Variants in UBLCP1 observed in about 807,000 individuals in gnomAD.
The protein encoded by UBLCP1 is ubiquitin-like domain-containing CTD phosphatase 1.
Under a neutral mutation model 42.4 loss-of-function variants are expected in UBLCP1, and 28 were observed. That is an observed-to-expected ratio of 0.66 (90% CI 0.49 to 0.90). The LOEUF (loss-of-function observed/expected upper bound fraction) is 0.90, where lower values mean the gene tolerates loss of function less well. Among genes scored for constraint, UBLCP1 ranks in the 40% least tolerant of loss-of-function variants. The probability of loss-of-function intolerance (pLI) is 0.00; values close to 1 mark genes in which losing one functional copy is unlikely to be tolerated. For synonymous variants in UBLCP1, 122 were observed against 120.8 expected (o/e 1.01, Z -0.07); for missense variants, 279 against 374.5 (o/e 0.75, Z 2.10).
chr5:159,271,988 A>C, intron 5 of UBLCP1, 35 bp from the exon 6 acceptor site: 1 of 1,468,194 alleles, frequency 6.8e-7, no homozygotes, highest in Non-Finnish European at 9.5e-7. Flanking sequence ...TCATGATGGT[A>C]AACTAATAAT....
At position 159,278,228 on chromosome 5, in the gene UBLCP1, T is replaced by C; in HGVS notation, c.685-10T>C. 5 of 1,581,364 alleles carry C rather than the reference T, an allele frequency of 3.2e-6. No homozygotes were observed. The highest frequency in any genetic ancestry group is 3.5e-6 in the Non-Finnish European group (4 of 1,151,944). ...TAAAATTTGAGTTAAATGTAAACTTTTATTCTAAGGTAAAGCCTCTTGGTG... is the reference window on the plus strand; with the variant it reads ...TAAAATTTGAGTTAAATGTAAACTTCTATTCTAAGGTAAAGCCTCTTGGTG... On this transcript the variant is annotated splice_polypyrimidine_tract_variant and intron_variant, in intron 8 of 10. Coordinates refer to ENST00000296786, the MANE Select transcript of UBLCP1 (RefSeq NM_145049.5).
At chr5:159,279,498 C>G (rs1429849002) in intron 9 of UBLCP1, among the ~76,000 whole-genome samples, 1 of 152,140 alleles carries the variant, frequency 6.6e-6, no homozygotes, top group African/African-American at 2.4e-5. Flanking sequence ...ATTCTCAGTC[C>G]TAAACTTTTC....
chr5:159,269,468 A>C (rs887513710), intron 2 of UBLCP1, among the ~76,000 whole-genome samples: 2 of 152,226 alleles, frequency 1.3e-5, no homozygotes, highest in African/African-American at 4.8e-5. Context: ...ACATTTAAAA[A>C]TTACAGGCAG....
In UBLCP1 at chr5:159,269,920, A is replaced by G; in HGVS notation, c.167A>G (p.Glu56Gly). The G allele has an allele frequency of 1.2e-6, 2 of 1,612,982 alleles. No individual in the cohort carries two copies. Among genetic ancestry groups the G allele is most frequent in the Non-Finnish European group, 1.7e-6 (2 of 1,179,480 alleles). Reference sequence around the variant, plus strand: ...GCTTGTATTGTAGGCAAACCTGCAGAAAATGATGTTAAGCTTGGAGCTCTC... The same window carrying G: ...GCTTGTATTGTAGGCAAACCTGCAGGAAATGATGTTAAGCTTGGAGCTCTC... ...LGLKVKGKPA[E>G]NDVKLGALKL... The change falls in exon 3 of 11, where the codon GAA becomes GGA. Residue 56 changes from glutamate to glycine, a missense_variant. Glu to Gly is a moderately conservative substitution (Grantham distance 98). Coordinates refer to ENST00000296786, the MANE Select transcript of UBLCP1 (RefSeq NM_145049.5).
At chr5:159,273,382 A>G (rs2113315249) in intron 6 of UBLCP1, among the ~76,000 whole-genome samples, 1 of 152,282 alleles carries the variant, frequency 6.6e-6, no homozygotes, top group South Asian at 2.1e-4. Context: ...TGAAAAGAGT[A>G]CTTCACTTTG....
At chr5:159,278,635 C>G (rs555856842) in intron 9 of UBLCP1, among the ~76,000 whole-genome samples, 1 of 151,978 alleles carries the variant, frequency 6.6e-6, no homozygotes, top group Non-Finnish European at 1.5e-5. Context: ...TGTGGTGGTG[C>G]GATCTCGGCT....
At chr5:159,278,806 C>T (rs1044190894) in intron 9 of UBLCP1, among the ~76,000 whole-genome samples, 1 of 152,078 alleles carries the variant, frequency 6.6e-6, no homozygotes, top group African/African-American at 2.4e-5. Flanking sequence ...CTCCTGTCCT[C>T]GTGATCTGCC....
chr5:159,270,582 T>A lies in UBLCP1; in HGVS notation c.387T>A (p.Ile129=). The stretch of plus-strand genomic sequence containing the variant: ...GAGTGAAAGAGTACAAAGTGGAAAT[T>A]TTGAATCCTCCCAGGGAAGGGAAAA... ...SRRVKEYKVE[I]LNPPREGKKL... Residue 129 remains isoleucine (I), a synonymous_variant, in exon 5 of 11, where the codon ATT becomes ATA. Transcript: ENST00000296786. The A allele has an allele frequency of 6.2e-7, 1 of 1,611,788 alleles. No homozygotes were observed. Among genetic ancestry groups the A allele is most frequent in the Non-Finnish European group, 8.5e-7 (1 of 1,179,302 alleles).
chr5:159,275,857 A>G (rs1429091650), intron 8 of UBLCP1, among the ~76,000 whole-genome samples: 1 of 152,184 alleles, frequency 6.6e-6, no homozygotes, highest in Non-Finnish European at 1.5e-5. Context: ...AATACTGAAT[A>G]TTATCAAGGA....
At chr5:159,279,927 T>A (rs1254986069) in intron 9 of UBLCP1, among the ~76,000 whole-genome samples, 1 of 151,354 alleles carries the variant, frequency 6.6e-6, no homozygotes, top group African/African-American at 2.4e-5. Flanking sequence ...AAAAAAAAAA[T>A]ACAATCATTA....
chr5:159,274,366 C>G (rs1202854505), intron 6 of UBLCP1: 4 of 382,144 alleles, frequency 1.0e-5, no homozygotes, highest in African/African-American at 2.1e-5. Context: ...CTGTATCTTA[C>G]AGATAAAAGT....
chr5:159,276,760 T>C (rs1052371878), intron 8 of UBLCP1, among the ~76,000 whole-genome samples: 1 of 152,218 alleles, frequency 6.6e-6, no homozygotes, highest in African/African-American at 2.4e-5. Context: ...TTAACCTTTG[T>C]TTGGTTCAGG....
chr5:159,270,962 A>G (rs191961832), intron 5 of UBLCP1, among the ~76,000 whole-genome samples: 2,589 of 80,132 alleles, frequency 0.032, 43 homozygotes, highest in Non-Finnish European at 0.058. Context: ...ATTATGAATG[A>G]TATATATATA....
chr5:159,283,908 C>T (rs977494827), intron 10 of UBLCP1, among the ~76,000 whole-genome samples: 3 of 151,976 alleles, frequency 2.0e-5, no homozygotes, highest in Non-Finnish European at 2.9e-5. Flanking sequence ...TCTATATAGA[C>T]GTTGCCTATA....
chr5:159,270,187 G>A (rs747206277), intron 3 of UBLCP1, among the ~76,000 whole-genome samples, 173 bp from the exon 4 acceptor site: 1 of 152,028 alleles, frequency 6.6e-6, no homozygotes, highest in Non-Finnish European at 1.5e-5. Context: ...AATTTAATAT[G>A]GTAAATCTGC....
rs1295788648 is a variant in UBLCP1, at chr5:159,263,294, C to T, written c.-113C>T. ...CCGGTTCCGGTCCCGCCCTTCACTTCCGGTCGCTTTCGGTCTCTCAGCGGC... is the reference window on the plus strand; with the variant it reads ...CCGGTTCCGGTCCCGCCCTTCACTTTCGGTCGCTTTCGGTCTCTCAGCGGC... On this transcript the variant is annotated 5_prime_UTR_variant, in exon 1 of 11. Coordinates refer to ENST00000296786, the MANE Select transcript of UBLCP1 (RefSeq NM_145049.5). The T allele has an allele frequency of 2.6e-5, 4 of 152,456 alleles. No homozygotes were observed. The highest frequency in any genetic ancestry group is 5.9e-5 in the Non-Finnish European group (4 of 68,092). The allele number at this position is 152,456 out of a possible 1,614,324, so 9.4% of individuals were successfully genotyped here.
chr5:159,275,139 T>C lies in UBLCP1; in HGVS notation c.586-9T>C. On this transcript the variant is annotated splice_polypyrimidine_tract_variant and intron_variant, in intron 7 of 10. Transcript: ENST00000296786. ...TATGTTTTAACCTCACAAATATTTGTGTTTATAGGAGCTGGGAGTGAGCAC... is the reference window on the plus strand; with the variant it reads ...TATGTTTTAACCTCACAAATATTTGCGTTTATAGGAGCTGGGAGTGAGCAC... 6.2e-7 allele frequency: 1 copy of C among 1,609,514 alleles called. No homozygotes were observed. Among genetic ancestry groups the C allele is most frequent in the Non-Finnish European group, 8.5e-7 (1 of 1,176,898 alleles).
chr5:159,275,143 T>C lies in UBLCP1; in HGVS notation c.586-5T>C. 4 of 1,611,444 alleles carry C rather than the reference T, an allele frequency of 2.5e-6. No individual in the cohort carries two copies. Among genetic ancestry groups the C allele is most frequent in the Non-Finnish European group, 3.4e-6 (4 of 1,178,364 alleles). On this transcript the variant is annotated splice_polypyrimidine_tract_variant and splice_region_variant and intron_variant, in intron 7 of 10. Coordinates refer to ENST00000296786, the MANE Select transcript of UBLCP1 (RefSeq NM_145049.5). ...TTTTAACCTCACAAATATTTGTGTT[T>C]ATAGGAGCTGGGAGTGAGCACAAAT...
chr5:159,270,169 A>G (rs910659870), intron 3 of UBLCP1, among the ~76,000 whole-genome samples, 170 bp downstream of exon 3: 4 of 152,196 alleles, frequency 2.6e-5, no homozygotes, highest in Non-Finnish European at 5.9e-5. Context: ...TAGTAGCACA[A>G]ATGATCAAAT....
Sources: allele counts gnomAD v4.1 joint callset (sites outside exome capture counted in the v4.1 genomes callset), GRCh38; gene constraint gnomAD v4.1.1; transcripts MANE v1.5; gene names NCBI Gene and HGNC (gene_info 2026-07-23, HGNC 2026-07-21).